Variants in CELF2 observed in about 807,000 individuals in gnomAD.
CELF2 encodes the protein CUG triplet repeat RNA-binding protein 2.
A neutral mutation model predicts 62.6 loss-of-function variants in CELF2; 8 were observed. The ratio of observed to expected loss-of-function variants is 0.13; its 90% CI spans 0.07 to 0.23. CELF2 has a LOEUF of 0.23. CELF2 is among the 10% of genes least tolerant of loss of function. The pLI is 1.00. For missense variants in CELF2, 333 were observed against 671.0 expected (o/e 0.50, Z 5.56); for synonymous variants, 258 against 250.0 (o/e 1.03, Z -0.30).
the CELF2 span, among the ~76,000 whole-genome samples, chr10:10,536,240 G>T: frequency 9.2e-5 from 14 of 152,102 alleles, no homozygotes; most frequent in Admixed American, 8.5e-4. Flanking sequence ...GGATGGTCTC[G>T]ATCTCCTGAC....
At chr10:11,043,528 T>C (rs1259457153) in intron 1 of CELF2, among the ~76,000 whole-genome samples, 2 of 152,282 alleles carry the variant, frequency 1.3e-5, no homozygotes, top group Non-Finnish European at 2.9e-5. Flanking sequence ...CTCTTTCTAC[T>C]TGGATGCCTA....
chr10:11,055,053 A>C (rs2064918696), intron 1 of CELF2, among the ~76,000 whole-genome samples: 1 of 152,210 alleles, frequency 6.6e-6, no homozygotes, highest in Non-Finnish European at 1.5e-5. Flanking sequence ...GAGCTGTTGT[A>C]GATTTTGAAA....
chr10:10,843,484 T>C (rs1166347222), intron 1 of CELF2, among the ~76,000 whole-genome samples: 1 of 152,028 alleles, frequency 6.6e-6, no homozygotes, highest in Non-Finnish European at 1.5e-5. Context: ...TTTCCAGCTA[T>C]CTTTCTGTTA....
intron 1 of CELF2, among the ~76,000 whole-genome samples, chr10:11,126,799 C>A (rs188940146): frequency 6.6e-6 from 1 of 152,032 alleles, no homozygotes; most frequent in Admixed American, 6.5e-5. Context: ...GGAGCATTTG[C>A]CTTCATGGTT....
At chr10:10,731,336 A>G in the CELF2 span, among the ~76,000 whole-genome samples, 1 of 152,062 alleles carries the variant, frequency 6.6e-6, no homozygotes, top group Non-Finnish European at 1.5e-5. Context: ...GCTTGCTGTG[A>G]CTAGTTGGAT....
the CELF2 span, among the ~76,000 whole-genome samples, chr10:10,603,428 C>CA: frequency 6.6e-6 from 1 of 152,176 alleles, no homozygotes; most frequent in South Asian, 2.1e-4. Context: ...GCTGAGGAAG[C>CA]AGCCTGAGAT....
At chr10:10,773,291 G>A in the CELF2 span, among the ~76,000 whole-genome samples, 259 of 152,268 alleles carry the variant, frequency 1.7e-3, no homozygotes, top group African/African-American at 5.7e-3. Context: ...CACTGTAGGC[G>A]TTGATATAGG....
At chr10:10,579,503 T>A in the CELF2 span, among the ~76,000 whole-genome samples, 1 of 152,148 alleles carries the variant, frequency 6.6e-6, no homozygotes, top group Non-Finnish European at 1.5e-5. Flanking sequence ...CATTTGTTAT[T>A]GACCTTAGAC....
intron 1 of CELF2, among the ~76,000 whole-genome samples, chr10:10,815,227 C>G (rs570859167): frequency 6.6e-6 from 1 of 152,112 alleles, no homozygotes; most frequent in Non-Finnish European, 1.5e-5. Flanking sequence ...CTGATGTGCT[C>G]CTCTTTGCCC....
At chr10:11,123,207 GT>G (rs1396478308) in intron 1 of CELF2, among the ~76,000 whole-genome samples, 1 of 152,068 alleles carries the variant, frequency 6.6e-6, no homozygotes, top group Non-Finnish European at 1.5e-5. Flanking sequence ...CAAGCACACT[GT>G]TTGGAGGTCC....
At chr10:11,133,184 C>G (rs1757598797) in intron 1 of CELF2, among the ~76,000 whole-genome samples, 2 of 152,166 alleles carry the variant, frequency 1.3e-5, no homozygotes, top group African/African-American at 4.8e-5. Context: ...CATCTAACTT[C>G]TCCCGAAGAG....
chr10:10,591,794 C>G, the CELF2 span, among the ~76,000 whole-genome samples: 2 of 152,206 alleles, frequency 1.3e-5, no homozygotes. Flanking sequence ...ACCAGTAGCT[C>G]TGCTGTGCCT....
intron 1 of CELF2, among the ~76,000 whole-genome samples, chr10:11,054,883 T>C (rs1451517873): frequency 1.3e-5 from 2 of 152,088 alleles, no homozygotes; most frequent in East Asian, 3.9e-4. Flanking sequence ...CCCAGCTACT[T>C]ATTGTATTTT....
intron 2 of CELF2, among the ~76,000 whole-genome samples, chr10:11,194,327 G>A (rs915977035): frequency 1.3e-5 from 2 of 152,006 alleles, no homozygotes; most frequent in African/African-American, 4.8e-5. Flanking sequence ...GCTTCCCAAA[G>A]TGCTGGGATT....
At chr10:10,720,983 G>T in the CELF2 span, among the ~76,000 whole-genome samples, 1 of 152,214 alleles carries the variant, frequency 6.6e-6, no homozygotes, top group African/African-American at 2.4e-5. Flanking sequence ...AAAATGTTCT[G>T]CCTAGTAACA....
intron 4 of CELF2, among the ~76,000 whole-genome samples, chr10:11,256,359 C>T (rs546739251): frequency 6.6e-6 from 1 of 152,206 alleles, no homozygotes; most frequent in South Asian, 2.1e-4. Context: ...AGGAACTGGC[C>T]CCAGTAAGTC....
At chr10:10,870,129 T>G (rs1200148375) in intron 1 of CELF2, among the ~76,000 whole-genome samples, 1 of 152,232 alleles carries the variant, frequency 6.6e-6, no homozygotes, top group Non-Finnish European at 1.5e-5. Flanking sequence ...TGTTCATGTA[T>G]TTTTATGAAT....
the CELF2 span, among the ~76,000 whole-genome samples, chr10:10,597,000 A>G: frequency 1.2e-4 from 18 of 152,150 alleles, no homozygotes; most frequent in Admixed American, 4.6e-4. Flanking sequence ...CTCATCTGCC[A>G]ACTACTACCA....
rs1396454468 is a variant in CELF2 at position 11,244,384 on chromosome 10, TG to T, written c.355-4767del. ...AACAACTTCCATTGGCCGGGCGTGG[TG>T]GCTCACGCCTATAATCCCAGCACTT... is the stretch of plus-strand genomic sequence containing the variant. On this transcript the variant is annotated intron_variant, in intron 3 of 12. Coordinates refer to ENST00000633077, the MANE Select transcript of CELF2 (RefSeq NM_001326342.2). This position sits in a 1 kb window ranked among gnomAD's most constrained non-coding sequence, Gnocchi z 4.2. Among the ~76,000 whole-genome samples, 1 of 152,234 alleles carries T rather than the reference TG, an allele frequency of 6.6e-6. No homozygotes were observed. The highest frequency in any genetic ancestry group is 1.5e-5 in the Non-Finnish European group (1 of 68,032).
Sources: allele counts gnomAD v4.1 joint callset (sites outside exome capture counted in the v4.1 genomes callset), GRCh38; gene constraint gnomAD v4.1.1; non-coding constraint Gnocchi (gnomAD v3.1); transcripts MANE v1.5; gene names NCBI Gene and HGNC (gene_info 2026-07-23, HGNC 2026-07-21).